ROBO2: variants seen among roughly 807,000 people sequenced by gnomAD.
ROBO2 encodes the protein roundabout homolog 2.
Under a neutral mutation model 160.8 loss-of-function variants are expected in ROBO2, and 53 were observed. That is an observed-to-expected ratio of 0.33 (90% CI 0.26 to 0.41). ROBO2 has a LOEUF of 0.41. ROBO2 is among the 10% of genes least tolerant of loss of function. ROBO2 has a pLI of 1.00. For synonymous variants in ROBO2, 664 were observed against 611.7 expected (o/e 1.09, Z -1.26); for missense variants, 1,577 against 1,722.4 (o/e 0.92, Z 1.49).
intron 2 of ROBO2, among the ~76,000 whole-genome samples, chr3:77,233,754 A>G (rs2087547853): frequency 6.6e-6 from 1 of 152,198 alleles, no homozygotes; most frequent in Admixed American, 6.5e-5. Context: ...TTAGAAAAGA[A>G]AATGTGAGCA....
At chr3:77,467,467 G>A (rs968083484) in intron 2 of ROBO2, among the ~76,000 whole-genome samples, 3 of 152,072 alleles carry the variant, frequency 2.0e-5, no homozygotes, top group African/African-American at 4.8e-5. Context: ...AAGACCCGAG[G>A]CCCATGGGAC....
intron 2 of ROBO2, among the ~76,000 whole-genome samples, chr3:77,383,287 A>C (rs2073745966): frequency 6.6e-6 from 1 of 152,140 alleles, no homozygotes; most frequent in South Asian, 2.1e-4. Flanking sequence ...GCCAAAGTTT[A>C]GACACATACT....
chr3:77,365,318 C>A (rs1479027470), intron 2 of ROBO2, among the ~76,000 whole-genome samples: 3 of 152,106 alleles, frequency 2.0e-5, no homozygotes, highest in Non-Finnish European at 4.4e-5. Flanking sequence ...TGAATTTGTA[C>A]ATCCTTGTGT....
intron 2 of ROBO2, among the ~76,000 whole-genome samples, chr3:77,366,344 T>A (rs948488685): frequency 6.6e-6 from 1 of 152,058 alleles, no homozygotes; most frequent in Non-Finnish European, 1.5e-5. Flanking sequence ...CGGGAAATGA[T>A]TATAAGAGTG....
chr3:76,613,177 T>C (rs2088278216), intron 2 of ROBO2, among the ~76,000 whole-genome samples: 3 of 152,204 alleles, frequency 2.0e-5, no homozygotes, highest in Admixed American at 2.0e-4. Flanking sequence ...TGTGGTGCTC[T>C]CTGTCTTCTT....
At chr3:76,191,774 T>G (rs1292207212) in intron 2 of ROBO2, among the ~76,000 whole-genome samples, 2 of 152,150 alleles carry the variant, frequency 1.3e-5, no homozygotes, top group Admixed American at 6.6e-5. Flanking sequence ...TTCCAAATAC[T>G]TCTTTTTGTA....
At chr3:76,370,091 T>C (rs139210998) in intron 2 of ROBO2, among the ~76,000 whole-genome samples, 1 of 152,088 alleles carries the variant, frequency 6.6e-6, no homozygotes, top group Non-Finnish European at 1.5e-5. Context: ...TACAGAGAGC[T>C]TTGCATTTAG....
At chr3:77,257,783 T>C (rs995382327) in intron 2 of ROBO2, among the ~76,000 whole-genome samples, 12 of 152,198 alleles carry the variant, frequency 7.9e-5, no homozygotes, top group Non-Finnish European at 1.8e-4. Flanking sequence ...AGTGGCGTAA[T>C]TGAAGATGTT....
rs924113090 is a variant in ROBO2, at chr3:77,100,379, T to A, written c.388+2039T>A. 6.6e-5 allele frequency among the ~76,000 whole-genome samples: 10 copies of A among 152,306 alleles called. No homozygotes were observed. In the East Asian group the frequency reaches 1.9e-3, roughly 29 times the overall value. The stretch of plus-strand genomic sequence containing the variant: ...ATAATATTCATTTATATGTTGCTCA[T>A]CTCTTTCCATTCGCTCATCAGTCTT... On this transcript the variant is annotated intron_variant, in intron 2 of 25. Transcript: ENST00000461745.
intron 2 of ROBO2, among the ~76,000 whole-genome samples, chr3:76,992,924 T>C (rs1197270383): frequency 6.6e-6 from 1 of 152,098 alleles, no homozygotes; most frequent in Non-Finnish European, 1.5e-5. Context: ...TTCAAGTGAT[T>C]CTCCTGCCTC....
chr3:76,058,497 C>T (rs1463366133), intron 2 of ROBO2, among the ~76,000 whole-genome samples: 1 of 151,248 alleles, frequency 6.6e-6, no homozygotes, highest in East Asian at 2.0e-4. Context: ...AGTTATAAAA[C>T]TCATTGCGAC....
intron 21 of ROBO2, among the ~76,000 whole-genome samples, chr3:77,617,264 G>T (rs894447086): frequency 6.6e-6 from 1 of 152,054 alleles, no homozygotes; most frequent in African/African-American, 2.4e-5. Context: ...TTGTAACTGT[G>T]GGGTAACAAT....
chr3:76,447,949 G>C (rs919089530), intron 2 of ROBO2, among the ~76,000 whole-genome samples: 25 of 150,726 alleles, frequency 1.7e-4, no homozygotes, highest in African/African-American at 6.1e-4. Context: ...GTTAAATGAC[G>C]AGTTAATGGG....
intron 2 of ROBO2, among the ~76,000 whole-genome samples, chr3:76,547,931 A>G (rs1022857543): frequency 8.5e-5 from 13 of 152,158 alleles, no homozygotes; most frequent in African/African-American, 2.9e-4. Flanking sequence ...TGGACATCAT[A>G]TGATTGCTGT....
At chr3:77,579,867 AT>A (rs536187959) in intron 15 of ROBO2, 79 bp from the exon 17 acceptor site, 3 of 1,298,302 alleles carry the variant, frequency 2.3e-6, no homozygotes, top group Non-Finnish European at 3.3e-6. Context: ...TGATTAAAAA[AT>A]ATTTGATCAG....
intron 2 of ROBO2, among the ~76,000 whole-genome samples, chr3:76,680,708 C>A (rs2092538148): frequency 6.6e-6 from 1 of 151,982 alleles, no homozygotes; most frequent in South Asian, 2.1e-4. Context: ...TGTCAAATAT[C>A]ACAAATTTAA....
Position 77,356,384 on chromosome 3 carries a change from G to C in ROBO2, c.389-121030G>C, listed in dbSNP as rs543037495. Among the ~76,000 whole-genome samples, 3 of 151,860 alleles carry C rather than the reference G, an allele frequency of 2.0e-5. No individual in the cohort carries two copies. In the South Asian group the frequency reaches 6.3e-4, roughly 32 times the overall value. ...GACAGAAAGAAAGAAGGGAAGGAGA[G>C]ACAGAGAGAGAGTAAGAGAGACTAA... On this transcript the variant is annotated intron_variant, in intron 2 of 25. Transcript: ENST00000461745.
At chr3:76,610,309 C>A (rs948415166) in intron 2 of ROBO2, among the ~76,000 whole-genome samples, 1 of 152,156 alleles carries the variant, frequency 6.6e-6, no homozygotes, top group Non-Finnish European at 1.5e-5. Flanking sequence ...TCGGGGCCCC[C>A]TGGGTTCGCT....
At chr3:76,539,677 G>T (rs2082711989) in intron 2 of ROBO2, among the ~76,000 whole-genome samples, 3 of 152,286 alleles carry the variant, frequency 2.0e-5, no homozygotes, top group Non-Finnish European at 4.4e-5. Flanking sequence ...AGACTAGTAG[G>T]TCAGACAGAA....
Sources: allele counts gnomAD v4.1 joint callset (sites outside exome capture counted in the v4.1 genomes callset), GRCh38; gene constraint gnomAD v4.1.1; transcripts MANE v1.5; gene names NCBI Gene and HGNC (gene_info 2026-07-23, HGNC 2026-07-21).